The following CTSB variants were observed in gnomAD, a reference collection of about 807,000 sequenced individuals.
The protein encoded by CTSB is APP secretase.
A neutral mutation model predicts 44.3 loss-of-function variants in CTSB; 57 were observed. The ratio of observed to expected loss-of-function variants is 1.29; its 90% CI spans 1.04 to 1.60. The LOEUF is 1.60. CTSB is among the 40% of genes most tolerant of loss of function. The pLI is 0.00. For synonymous variants in CTSB, 320 were observed against 168.0 expected (o/e 1.91, Z -7.00); for missense variants, 768 against 443.0 (o/e 1.73, Z -6.59).
At chr8:11,867,692 T>G (rs1010902975) in intron 1 of CTSB, 1 of 152,242 alleles carries the variant, frequency 6.6e-6, no homozygotes, top group Non-Finnish European at 1.5e-5. Flanking sequence ...TCGGCGGTCC[T>G]GGCCGCGTCC....
At chr8:11,858,700 G>A (rs1425235283) in intron 1 of CTSB, among the ~76,000 whole-genome samples, 2 of 152,116 alleles carry the variant, frequency 1.3e-5, no homozygotes, top group East Asian at 3.8e-4. Flanking sequence ...CAAACACAGA[G>A]GTCCTGACAG....
At position 11,844,243 on chromosome 8, in the gene CTSB, T is replaced by C. The variant is rs1035608593; in HGVS notation, c.*882A>G. On this transcript the variant is annotated 3_prime_UTR_variant, in exon 10 of 10. Transcript: ENST00000353047. ...CATGCAGTTCCAGGACGTGATTCTC[T>C]GCAGGGACAAAGAGAGACAGCAGCT... 6.6e-6 allele frequency: 1 copy of C among 152,200 alleles called. No individual in the cohort carries two copies. The highest frequency in any genetic ancestry group is 1.5e-5 in the Non-Finnish European group (1 of 68,040). 9.4% of individuals were successfully genotyped at this position (152,200 alleles called of 1,614,324 possible).
chr8:11,848,650 G>A (rs377709174), intron 5 of CTSB: 1 of 305,704 alleles, frequency 3.3e-6, no homozygotes, highest in Non-Finnish European at 6.4e-6. Context: ...CAGGCAGCTG[G>A]AGCAGAAAGT....
intron 4 of CTSB, among the ~76,000 whole-genome samples, chr8:11,850,299 G>C (rs939043356): frequency 2.0e-5 from 3 of 151,336 alleles, no homozygotes; most frequent in Non-Finnish European, 4.4e-5. Flanking sequence ...CATGCCTGTA[G>C]TCTTAGCTAC....
chr8:11,853,676 C>G (rs533798243), intron 1 of CTSB, 197 bp from the exon 2 acceptor site: 8 of 515,960 alleles, frequency 1.6e-5, no homozygotes, highest in East Asian at 1.3e-4. Flanking sequence ...TGTGGGTCCC[C>G]GGGGGCCAGG....
intron 1 of CTSB, among the ~76,000 whole-genome samples, chr8:11,856,269 G>C (rs1211854044): frequency 6.6e-6 from 1 of 151,964 alleles, no homozygotes. Flanking sequence ...AATGAATCAA[G>C]TATCCAATAA....
intron 5 of CTSB, chr8:11,848,804 C>G: frequency 2.4e-6 from 1 of 425,470 alleles, no homozygotes; most frequent in South Asian, 2.5e-5. Context: ...ACCACATTTT[C>G]TGAAACTGAC....
chr8:11,846,235 T>G (rs1425134911), intron 8 of CTSB: 1 of 152,716 alleles, frequency 6.5e-6, no homozygotes, highest in Non-Finnish European at 1.5e-5. Context: ...TGGCAGCTAA[T>G]GCTAGCTGAT....
chr8:11,845,110 C>G lies in CTSB; in HGVS notation c.*15G>C. Reference sequence around the variant, plus strand: ...GATCTCGCCCCCAGGACTGGCACGACAGGCCCACGGCAGATTAGATCTTTT... The same window carrying G: ...GATCTCGCCCCCAGGACTGGCACGAGAGGCCCACGGCAGATTAGATCTTTT... On this transcript the variant is annotated 3_prime_UTR_variant, in exon 10 of 10. Coordinates refer to ENST00000353047, the MANE Select transcript of CTSB (RefSeq NM_001908.5). 1 of 1,587,516 alleles carries G rather than the reference C, an allele frequency of 6.3e-7. No homozygotes were observed. The highest frequency in any genetic ancestry group is 8.7e-7 in the Non-Finnish European group (1 of 1,155,858).
rs1283227768 is a variant in CTSB, at chr8:11,860,707, T to C, written c.-25-7228A>G. 2.6e-5 allele frequency among the ~76,000 whole-genome samples: 4 copies of C among 152,206 alleles called. No homozygotes were observed. In the East Asian group the frequency reaches 5.8e-4, roughly 22 times the overall value. ...AGCCACAAATGAAGACTGTGCCTTATAGGCCAGCAGAGCGGCTAAGAGCAC... is the reference window on the plus strand; with the variant it reads ...AGCCACAAATGAAGACTGTGCCTTACAGGCCAGCAGAGCGGCTAAGAGCAC... On this transcript the variant is annotated intron_variant, in intron 1 of 9. Transcript: ENST00000353047.
At chr8:11,845,587 CAG>C (rs1813147426) in intron 9 of CTSB, 72 bp downstream of exon 9, 3 of 1,554,300 alleles carry the variant, frequency 1.9e-6, no homozygotes, top group South Asian at 2.4e-5. Flanking sequence ...GTGGGTAGAA[CAG>C]AGAAAGCCGA....
intron 1 of CTSB, among the ~76,000 whole-genome samples, chr8:11,859,719 G>A (rs113849768): frequency 0.016 from 2,187 of 137,666 alleles, 59 homozygotes; most frequent in African/African-American, 0.054. Flanking sequence ...AGTAAGCTGA[G>A]GTCACACCAC....
At chr8:11,852,568 C>A in intron 3 of CTSB, 42 bp downstream of exon 3, 2 of 1,545,798 alleles carry the variant, frequency 1.3e-6, no homozygotes, top group East Asian at 2.3e-5. Context: ...AAACCAACGC[C>A]TGCCACTCAC....
intron 1 of CTSB, among the ~76,000 whole-genome samples, chr8:11,863,631 T>C (rs1001021508): frequency 6.6e-6 from 1 of 152,206 alleles, no homozygotes; most frequent in Admixed American, 6.5e-5. Flanking sequence ...AACTCCCACA[T>C]GCTTAGCGTT....
chr8:11,852,139 G>A (rs547391815), intron 3 of CTSB, among the ~76,000 whole-genome samples: 1 of 152,170 alleles, frequency 6.6e-6, no homozygotes, highest in African/African-American at 2.4e-5. Flanking sequence ...ATGCCGAGTT[G>A]GGCAGATGAC....
chr8:11,857,266 C>T (rs1178014885), intron 1 of CTSB, among the ~76,000 whole-genome samples: 1 of 152,176 alleles, frequency 6.6e-6, no homozygotes, highest in East Asian at 1.9e-4. Context: ...GATCTAACTG[C>T]CTCAGCTTCC....
rs1013940441 is a variant in CTSB at position 11,842,788 on chromosome 8, C to T, written c.*2337G>A. ...AGTAGCTGGGATTACAGGCATGTGC[C>T]AGCATGCTTGGCTAATTTTGTATTT... On this transcript the variant is annotated 3_prime_UTR_variant, in exon 10 of 10. Coordinates refer to ENST00000353047, the MANE Select transcript of CTSB (RefSeq NM_001908.5). 1 of 151,604 alleles carries T rather than the reference C, an allele frequency of 6.6e-6. No individual in the cohort carries two copies. The highest frequency in any genetic ancestry group is 6.6e-5 in the Admixed American group (1 of 15,182). 9.4% of individuals were successfully genotyped at this position (151,604 alleles called of 1,614,324 possible).
intron 1 of CTSB, among the ~76,000 whole-genome samples, chr8:11,862,733 G>C (rs1816612041): frequency 6.6e-6 from 1 of 152,250 alleles, no homozygotes; most frequent in South Asian, 2.1e-4. Flanking sequence ...CTGTGTGACT[G>C]TGTGTGTGCA....
chr8:11,845,536 G>C, intron 9 of CTSB, 125 bp downstream of exon 9: 2 of 1,198,078 alleles, frequency 1.7e-6, no homozygotes, highest in South Asian at 1.5e-5. Flanking sequence ...CTTAGGAGGA[G>C]CTCACAGCCT....
Sources: gnomAD v4.1 joint callset for allele counts (sites outside exome capture counted in the v4.1 genomes callset) on GRCh38, gnomAD v4.1.1 for gene constraint, MANE v1.5 for transcripts, NCBI Gene and HGNC (gene_info 2026-07-23, HGNC 2026-07-21) for gene names.